Variants in FRAS1 observed in about 807,000 individuals in gnomAD.
FRAS1 encodes the protein extracellular matrix organizing protein FRAS1.
A neutral mutation model predicts 435.2 loss-of-function variants in FRAS1; 290 were observed. The ratio of observed to expected loss-of-function variants is 0.67; its 90% confidence interval spans 0.61 to 0.73. The LOEUF (loss-of-function observed/expected upper bound fraction) is 0.73, where lower values mean the gene tolerates loss of function less well. Among genes scored for constraint, FRAS1 ranks in the 30% least tolerant of loss-of-function variants. The probability of loss-of-function intolerance (pLI) is 0.00; values close to 1 mark genes in which losing one functional copy is unlikely to be tolerated. For missense variants in FRAS1, 4,860 were observed against 5,001.5 expected (o/e 0.97, Z 0.85); for synonymous variants, 1,800 against 1,851.0 (o/e 0.97, Z 0.71).
intron 47 of FRAS1, among the ~76,000 whole-genome samples, chr4:78,456,144 T>TTTTC (rs1560738473): frequency 1.5e-5 from 2 of 132,418 alleles, no homozygotes; most frequent in Non-Finnish European, 1.6e-5. Flanking sequence ...GTCACTTTTT[T>TTTTC]TTTTTTTTTT....
intron 31 of FRAS1, among the ~76,000 whole-genome samples, chr4:78,409,217 A>T (rs1296672904): frequency 6.6e-6 from 1 of 151,128 alleles, no homozygotes; most frequent in Non-Finnish European, 1.5e-5. Context: ...TAAATTAATA[A>T]TAAAAGGATA....
At chr4:78,169,589 A>G (rs1170171548) in intron 2 of FRAS1, among the ~76,000 whole-genome samples, 1 of 152,170 alleles carries the variant, frequency 6.6e-6, no homozygotes, top group Non-Finnish European at 1.5e-5. Flanking sequence ...AATTATAATT[A>G]TTATTGTATT....
chr4:78,301,024 A>T (rs1728367384), intron 14 of FRAS1, among the ~76,000 whole-genome samples: 1 of 152,246 alleles, frequency 6.6e-6, no homozygotes, highest in Admixed American at 6.5e-5. Context: ...GTCTGAAATT[A>T]GGACTTGCTT....
chr4:78,195,847 A>C (rs1158066541), intron 2 of FRAS1, among the ~76,000 whole-genome samples: 1 of 150,762 alleles, frequency 6.6e-6, no homozygotes, highest in Admixed American at 6.6e-5. Context: ...TGCATAAATC[A>C]CCCATCTTCT....
At chr4:78,314,553 C>G (rs957479161) in intron 15 of FRAS1, among the ~76,000 whole-genome samples, 1 of 152,212 alleles carries the variant, frequency 6.6e-6, no homozygotes, top group South Asian at 2.1e-4. Flanking sequence ...GATACAAATA[C>G]AGCCGTGTTT....
intron 15 of FRAS1, among the ~76,000 whole-genome samples, chr4:78,312,872 A>G (rs983474358): frequency 5.4e-5 from 8 of 147,246 alleles, no homozygotes; most frequent in Admixed American, 4.2e-4. Context: ...AGAGAGAGAG[A>G]GAGAGAGAGA....
chr4:78,445,665 G>C lies in FRAS1; in HGVS notation c.5809G>C (p.Asp1937His). Residue 1937 changes from aspartate (D) to histidine (H), a missense_variant, in exon 42 of 74, where the codon GAT becomes CAT. Physicochemically the swap from Asp to His is moderately conservative, Grantham distance 81 (BLOSUM62 -1). Transcript: ENST00000512123. ...TGATATTTTTAGTTTTTATGTGAGTGATGGAACCAGTCGTTCAGAAATTCA... is the reference window on the plus strand; with the variant it reads ...TGATATTTTTAGTTTTTATGTGAGTCATGGAACCAGTCGTTCAGAAATTCA... ...THDIFSFYVSDGTSRSEIHSI... is the reference protein window; with the variant it reads ...THDIFSFYVSHGTSRSEIHSI... The C allele has an allele frequency of 6.2e-7, 1 of 1,613,868 alleles. No homozygotes were observed. The highest frequency in any genetic ancestry group is 1.1e-5 in the South Asian group (1 of 91,052).
chr4:78,222,168 T>C (rs1478345619), intron 2 of FRAS1, among the ~76,000 whole-genome samples: 1 of 151,734 alleles, frequency 6.6e-6, no homozygotes, highest in Admixed American at 6.6e-5. Flanking sequence ...AGTTACGGAG[T>C]TATCAAGCCA....
intron 2 of FRAS1, among the ~76,000 whole-genome samples, chr4:78,116,658 C>T (rs1417843789): frequency 6.6e-6 from 1 of 152,138 alleles, no homozygotes; most frequent in Non-Finnish European, 1.5e-5. Context: ...GCAATCCCTG[C>T]CTTTTTTTGT....
intron 62 of FRAS1, among the ~76,000 whole-genome samples, chr4:78,507,943 A>T (rs1477631080): frequency 6.6e-6 from 1 of 152,236 alleles, no homozygotes; most frequent in African/African-American, 2.4e-5. Context: ...CCCTGTTCTG[A>T]CCTAAAAGTG....
At chr4:78,072,701 A>AT (rs1013164373) in intron 2 of FRAS1, among the ~76,000 whole-genome samples, 2 of 152,116 alleles carry the variant, frequency 1.3e-5, no homozygotes, top group African/African-American at 4.8e-5. Flanking sequence ...AAAATTCATC[A>AT]TTTTTTATGC....
chr4:78,255,217 A>G lies in FRAS1; in HGVS notation c.470-25A>G, dbSNP rs765970306. 1.5e-5 allele frequency: 24 copies of G among 1,551,282 alleles called. No individual in the cohort carries two copies. In the South Asian group the frequency reaches 2.6e-4, roughly 17 times the overall value. On this transcript the variant is annotated intron_variant, in intron 5 of 73. Transcript: ENST00000512123. ...GATCAACAAATGCCATCCCCCTAGT[A>G]ATCCTTGTTTCTTTGACCTTCCAGA...
At chr4:78,332,486 A>G (rs912015811) in intron 18 of FRAS1, among the ~76,000 whole-genome samples, 1 of 152,206 alleles carries the variant, frequency 6.6e-6, no homozygotes, top group Non-Finnish European at 1.5e-5. Flanking sequence ...TTGTTCTAAC[A>G]TAGCACTTAA....
At chr4:78,482,917 A>G (rs1446012467) in intron 58 of FRAS1, among the ~76,000 whole-genome samples, 1 of 152,254 alleles carries the variant, frequency 6.6e-6, no homozygotes, top group Admixed American at 6.5e-5. Context: ...GGGGGAAATT[A>G]TAGATTTCAC....
Position 78,066,614 on chromosome 4 carries a change from C to T in FRAS1, c.108+598C>T, listed in dbSNP as rs575823771. Among the ~76,000 whole-genome samples, 43 of 152,314 alleles carry T rather than the reference C, an allele frequency of 2.8e-4. No individual in the cohort carries two copies. The Middle Eastern group carries it at 0.01, about 36-fold the overall frequency. On this transcript the variant is annotated intron_variant, in intron 2 of 73. Coordinates refer to ENST00000512123, the MANE Select transcript of FRAS1 (RefSeq NM_025074.7). ...ATTACTAATGCACTATGGTGCATAA[C>T]AGTGTGTTAAAGCCTTATTGAAAAG...
At chr4:78,295,016 TC>T in intron 14 of FRAS1, among the ~76,000 whole-genome samples, 1 of 152,226 alleles carries the variant, frequency 6.6e-6, no homozygotes, top group East Asian at 1.9e-4. Flanking sequence ...ACTTTTTTTT[TC>T]AAAACTAAAA....
Position 78,312,841 on chromosome 4 carries a change from AAAAG to A in FRAS1, c.1679-2735_1679-2732del, listed in dbSNP as rs201082071. Among the ~76,000 whole-genome samples, 190 of 145,082 alleles carry A rather than the reference AAAAG, an allele frequency of 1.3e-3. No homozygotes were observed. In the East Asian group the frequency reaches 0.015, roughly 11 times the overall value. On this transcript the variant is annotated intron_variant, in intron 15 of 73. Transcript: ENST00000512123. ...AGTGAGACCCTGTCTGAAAGAAAGA[AAAAG>A]AAAGAAAGAAAGAAAGAGAGAGAGA...
At chr4:78,111,916 C>G (rs1742738053) in intron 2 of FRAS1, among the ~76,000 whole-genome samples, 1 of 152,132 alleles carries the variant, frequency 6.6e-6, no homozygotes, top group Middle Eastern at 3.4e-3. Context: ...AGCCATATTA[C>G]ACACTTCTGA....
rs185973607 is a variant in FRAS1, at chr4:78,102,936, G to C, written c.108+36920G>C. 2.0e-5 allele frequency among the ~76,000 whole-genome samples: 3 copies of C among 152,254 alleles called. No individual in the cohort carries two copies. The East Asian group carries it at 5.8e-4, about 29-fold the overall frequency. ...TTGGAAATGGCATGGGGTGTATATG[G>C]CTTCCCCTTCCACATCTGGAGTATA... is the stretch of plus-strand genomic sequence containing the variant. On this transcript the variant is annotated intron_variant, in intron 2 of 73. Coordinates refer to ENST00000512123, the MANE Select transcript of FRAS1 (RefSeq NM_025074.7).
Sources: gnomAD v4.1 joint callset for allele counts (sites outside exome capture counted in the v4.1 genomes callset) on GRCh38, gnomAD v4.1.1 for gene constraint, MANE v1.5 for transcripts, NCBI Gene and HGNC (gene_info 2026-07-23, HGNC 2026-07-21) for gene names.